Variants in RALYL observed in about 807,000 individuals in gnomAD.
RALYL encodes RALY RNA binding protein like, also known as RNA-binding Raly-like protein.
In RALYL, 29 loss-of-function variants were observed where a neutral mutation model predicts 35.1. The observed-to-expected ratio is 0.83, with a 90% CI of 0.61 to 1.13. RALYL has a LOEUF of 1.13. Ranked by LOEUF, RALYL falls within the 50% of genes most tolerant of loss-of-function variation. RALYL has a pLI of 0.00. For missense variants in RALYL, 359 were observed against 360.4 expected (o/e 1.00, Z 0.03); for synonymous variants, 120 against 127.6 (o/e 0.94, Z 0.40).
intron 1 of RALYL, among the ~76,000 whole-genome samples, chr8:84,390,927 C>T (rs530058961): frequency 2.0e-5 from 3 of 152,086 alleles, no homozygotes; most frequent in Admixed American, 6.6e-5. Context: ...GCAGTCATCT[C>T]AATGTTCACA....
At chr8:84,655,147 G>T (rs1829716153) in intron 2 of RALYL, among the ~76,000 whole-genome samples, 1 of 152,094 alleles carries the variant, frequency 6.6e-6, no homozygotes, top group Admixed American at 6.6e-5. Flanking sequence ...ACTGGAGTGA[G>T]ACAATATCTC....
At chr8:84,760,959 G>A (rs1812541016) in intron 2 of RALYL, among the ~76,000 whole-genome samples, 1 of 152,062 alleles carries the variant, frequency 6.6e-6, no homozygotes. Flanking sequence ...ACATTCAGAA[G>A]AAAATTAAAA....
intron 2 of RALYL, among the ~76,000 whole-genome samples, chr8:84,575,268 A>G (rs182265835): frequency 3.9e-4 from 60 of 152,340 alleles, no homozygotes; most frequent in African/African-American, 1.3e-3. Flanking sequence ...AAACATAAAC[A>G]TAAACATAAA....
At chr8:84,547,587 G>A (rs1015047253) in intron 2 of RALYL, among the ~76,000 whole-genome samples, 21 of 151,968 alleles carry the variant, frequency 1.4e-4, no homozygotes, top group African/African-American at 4.8e-4. Flanking sequence ...CATCATGTTG[G>A]CCAGGATGGT....
intron 1 of RALYL, among the ~76,000 whole-genome samples, chr8:84,398,280 A>AT (rs36054591): frequency 2.0e-5 from 3 of 151,642 alleles, no homozygotes; most frequent in African/African-American, 4.9e-5. Flanking sequence ...TTAACAGAAC[A>AT]TTTTTTGGTT....
intron 4 of RALYL, among the ~76,000 whole-genome samples, chr8:84,815,157 A>G (rs1826882837): frequency 1.3e-5 from 2 of 152,288 alleles, no homozygotes; most frequent in Middle Eastern, 3.4e-3. Flanking sequence ...AACTAGAACT[A>G]TCTTGGAGTT....
At chr8:84,499,152 A>C (rs1387131345) in intron 1 of RALYL, among the ~76,000 whole-genome samples, 1 of 151,482 alleles carries the variant, frequency 6.6e-6, no homozygotes, top group Non-Finnish European at 1.5e-5. Flanking sequence ...ACATGGATAC[A>C]CTGTGTAATG....
intron 1 of RALYL, among the ~76,000 whole-genome samples, chr8:84,468,270 A>G (rs2052048254): frequency 6.6e-6 from 1 of 152,074 alleles, no homozygotes; most frequent in South Asian, 2.1e-4. Context: ...ATGATTTTGC[A>G]GCGGCTGGTA....
intron 2 of RALYL, among the ~76,000 whole-genome samples, chr8:84,689,195 A>G (rs1167492272): frequency 2.0e-5 from 3 of 152,062 alleles, no homozygotes; most frequent in Non-Finnish European, 4.4e-5. Flanking sequence ...GTCATCTAGC[A>G]TTAGGTATAT....
intron 2 of RALYL, among the ~76,000 whole-genome samples, chr8:84,620,050 G>T (rs1406373303): frequency 6.6e-6 from 1 of 151,872 alleles, no homozygotes; most frequent in Admixed American, 6.6e-5. Context: ...TTCAACTTTG[G>T]TGAATCTGAC....
intron 1 of RALYL, among the ~76,000 whole-genome samples, chr8:84,314,106 C>T (rs1218248805): frequency 6.6e-6 from 1 of 152,068 alleles, no homozygotes; most frequent in Non-Finnish European, 1.5e-5. Context: ...CACAAGGCAG[C>T]AGGAGAGAGA....
intron 1 of RALYL, among the ~76,000 whole-genome samples, chr8:84,217,953 C>T (rs1469426478): frequency 6.6e-6 from 1 of 152,066 alleles, no homozygotes; most frequent in Non-Finnish European, 1.5e-5. Flanking sequence ...ATATCCTCTA[C>T]CTCACATACT....
rs1307620802 is a variant in RALYL, at chr8:84,913,031, GA to G, written c.859-7862del. Among the ~76,000 whole-genome samples, 350 of 85,974 alleles carry G rather than the reference GA, an allele frequency of 4.1e-3. 2 individuals carry two copies. The highest frequency in any genetic ancestry group is 0.026 in the East Asian group (78 of 2,990). 56.4% of individuals were successfully genotyped at this position (85,974 alleles called of 152,430 possible). A position where few individuals can be genotyped will look rare whatever the true frequency, so the allele number is the denominator to read the frequency against. ...GGATGGATGGATGGATGGATGGATG[GA>G]TAGGTAGGTAGATAGATAGATAGAT... On this transcript the variant is annotated intron_variant, in intron 8 of 8. Transcript: ENST00000521268.
chr8:84,884,173 C>G (rs554704933), intron 7 of RALYL, among the ~76,000 whole-genome samples: 62 of 152,084 alleles, frequency 4.1e-4, no homozygotes, highest in Non-Finnish European at 7.5e-4. Flanking sequence ...CTGTATCATC[C>G]TTTTTGAGTG....
intron 3 of RALYL, among the ~76,000 whole-genome samples, chr8:84,791,283 T>A (rs1029999241): frequency 3.3e-5 from 5 of 152,050 alleles, no homozygotes; most frequent in African/African-American, 7.2e-5. Context: ...GTAGGGGAAC[T>A]TTGCTAGCAA....
chr8:84,762,287 T>C (rs7007472), intron 2 of RALYL, among the ~76,000 whole-genome samples: 3,111 of 152,264 alleles, frequency 0.02, 104 homozygotes, highest in African/African-American at 0.07. Context: ...TATATTAGCT[T>C]GGCTTTGTTA....
chr8:84,716,258 A>G (rs1842929027), intron 2 of RALYL, among the ~76,000 whole-genome samples: 1 of 139,626 alleles, frequency 7.2e-6, no homozygotes, highest in African/African-American at 2.7e-5. Context: ...TTCTTCCCAC[A>G]CTTAACAGTG....
Position 84,392,440 on chromosome 8 carries a change from A to C in RALYL, c.-23-136859A>C, listed in dbSNP as rs545396417. On this transcript the variant is annotated intron_variant, in intron 1 of 8. Transcript: ENST00000521268. ...CCATATAAAATAAAGAGTGAAAAAC[A>C]AAAAAAAAAATTGAATCACAGCTGC... Among the ~76,000 whole-genome samples, 6 of 134,658 alleles carry C rather than the reference A, an allele frequency of 4.5e-5. No individual in the cohort carries two copies. In the South Asian group the frequency reaches 1.3e-3, roughly 29 times the overall value. 88.3% of individuals were successfully genotyped at this position (134,658 alleles called of 152,430 possible). A position where few individuals can be genotyped will look rare whatever the true frequency, so the allele number is the denominator to read the frequency against.
At chr8:84,766,458 C>A (rs1813993547) in intron 2 of RALYL, among the ~76,000 whole-genome samples, 1 of 151,448 alleles carries the variant, frequency 6.6e-6, no homozygotes, top group Admixed American at 6.6e-5. Flanking sequence ...CTTTGGGAGG[C>A]CAAGGTGGGT....
Sources: allele counts gnomAD v4.1 joint callset (sites outside exome capture counted in the v4.1 genomes callset), GRCh38; gene constraint gnomAD v4.1.1; transcripts MANE v1.5; gene names NCBI Gene and HGNC (gene_info 2026-07-23, HGNC 2026-07-21).